Variants in OCA2 observed in about 807,000 individuals in gnomAD.
The protein encoded by OCA2 is OCA2 melanosomal transmembrane protein, also known as P protein.
OCA2 carries 77 observed loss-of-function variants against 100.2 expected under a neutral mutation model. The observed-to-expected ratio is 0.77, with a 90% CI of 0.64 to 0.93. The LOEUF is 0.93. OCA2 is among the 40% of genes least tolerant of loss of function. OCA2 has a pLI of 0.00. For missense variants in OCA2, 1,062 were observed against 1,089.1 expected, an observed-to-expected ratio of 0.98 and a Z score of 0.35; for synonymous variants, 432 against 439.2, an observed-to-expected ratio of 0.98 and a Z score of 0.21.
intron 19 of OCA2, chr15:27,896,427 G>A (rs1183397977): frequency 1.4e-6 from 1 of 701,334 alleles, no homozygotes; most frequent in Admixed American, 1.8e-5. Context: ...AGCTCATGCT[G>A]CTATATGAGA....
At chr15:27,824,602 C>CTCTATATATATATA in intron 23 of OCA2, among the ~76,000 whole-genome samples, 1 of 47,580 alleles carries the variant, frequency 2.1e-5, no homozygotes, top group Non-Finnish European at 3.1e-5. Flanking sequence ...CTCTCTCTCT[C>CTCTATATATATATA]TATATATATA....
chr15:28,064,015 A>G (rs1433100816), intron 2 of OCA2, among the ~76,000 whole-genome samples: 1 of 152,130 alleles, frequency 6.6e-6, no homozygotes, highest in Non-Finnish European at 1.5e-5. Context: ...TTTTGTTGGT[A>G]TGGGAATTTC....
chr15:27,751,431 C>T (rs1206540235), downstream of OCA2, among the ~76,000 whole-genome samples: 4 of 152,124 alleles, frequency 2.6e-5, no homozygotes, highest in South Asian at 8.3e-4. Flanking sequence ...TTAGGAGTGA[C>T]TTAAAATTAC....
At chr15:27,872,691 ATTT>A (rs10572418) in intron 19 of OCA2, among the ~76,000 whole-genome samples, 7 of 142,468 alleles carry the variant, frequency 4.9e-5, no homozygotes, top group African/African-American at 1.3e-4. Flanking sequence ...TAATTTTTTA[ATTT>A]TTTTTTTTTT....
chr15:28,057,904 T>G (rs2043753594), intron 2 of OCA2, among the ~76,000 whole-genome samples: 1 of 152,096 alleles, frequency 6.6e-6, no homozygotes, highest in Non-Finnish European at 1.5e-5. Flanking sequence ...TCAACCAAAC[T>G]AAGCCACCAG....
At position 28,084,522 on chromosome 15, in the gene OCA2, T is replaced by C. The variant is rs531311883; in HGVS notation, c.-21-2627A>G. Among the ~76,000 whole-genome samples the C allele has an allele frequency of 2.6e-5, 4 of 152,310 alleles. No homozygotes were observed. The East Asian group carries it at 5.8e-4, about 22-fold the overall frequency. ...CTGCAAAACAAATCACCACAAAGTGTACCTGTTAAAAAGCACACACGTGTA... is the reference window on the plus strand; with the variant it reads ...CTGCAAAACAAATCACCACAAAGTGCACCTGTTAAAAAGCACACACGTGTA... On this transcript the variant is annotated intron_variant, in intron 1 of 23. Coordinates refer to ENST00000354638, the MANE Select transcript of OCA2 (RefSeq NM_000275.3).
chr15:27,966,794 T>A lies in OCA2; in HGVS notation c.1532A>T (p.His511Leu), dbSNP rs1271022101. The change falls in exon 15 of 24, where the codon CAC (histidine) becomes CTC (leucine). Residue 511 changes from histidine to leucine, a missense_variant. Coordinates refer to ENST00000354638, the MANE Select transcript of OCA2 (RefSeq NM_000275.3). Reference sequence around the variant, plus strand: ...AACAAGGCAAATCCCAATGAACATGTGTGCAGTGAATCCGGCAAAGTCCAG... The same window carrying A: ...AACAAGGCAAATCCCAATGAACATGAGTGCAGTGAATCCGGCAAAGTCCAG... ...MGLDFAGFTA[H>L]MFIGICLVLL... is the part of the protein sequence containing the mutation. The A allele has an allele frequency of 1.2e-6, 2 of 1,612,704 alleles. No homozygotes were observed. Among genetic ancestry groups the A allele is most frequent in the Non-Finnish European group, 1.7e-6 (2 of 1,179,918 alleles).
At chr15:27,883,028 A>G (rs1013016612) in intron 19 of OCA2, among the ~76,000 whole-genome samples, 6 of 152,198 alleles carry the variant, frequency 3.9e-5, no homozygotes, top group African/African-American at 1.4e-4. Context: ...TTGTTCTGAA[A>G]TTAGGCTGAG....
chr15:27,973,362 G>T (rs549561951), intron 14 of OCA2, among the ~76,000 whole-genome samples: 1 of 152,020 alleles, frequency 6.6e-6, no homozygotes, highest in Non-Finnish European at 1.5e-5. Flanking sequence ...ATTGTATATC[G>T]TGAGAGATAG....
intron 21 of OCA2, among the ~76,000 whole-genome samples, chr15:27,868,546 T>C (rs1477006877): frequency 6.6e-6 from 1 of 151,472 alleles, no homozygotes; most frequent in African/African-American, 2.4e-5. Flanking sequence ...AGTAGAATGG[T>C]GGCTGTCGGG....
chr15:27,878,697 T>C (rs2036889021), intron 19 of OCA2, among the ~76,000 whole-genome samples: 1 of 152,170 alleles, frequency 6.6e-6, no homozygotes, highest in Non-Finnish European at 1.5e-5. Flanking sequence ...TTTTCCTTTA[T>C]TTCATCCTGT....
chr15:27,846,889 A>G (rs1343293839), intron 22 of OCA2, among the ~76,000 whole-genome samples: 1 of 152,154 alleles, frequency 6.6e-6, no homozygotes, highest in Non-Finnish European at 1.5e-5. Flanking sequence ...TTTCCTTGGA[A>G]AGGGAGATGC....
intron 2 of OCA2, among the ~76,000 whole-genome samples, chr15:28,073,282 C>T (rs4778235): frequency 2.6e-5 from 4 of 152,132 alleles, no homozygotes; most frequent in East Asian, 1.9e-4. Context: ...GGCGTGGTGG[C>T]GAGCAACTAT....
chr15:27,827,282 A>G (rs531326384), intron 23 of OCA2, among the ~76,000 whole-genome samples: 76 of 152,334 alleles, frequency 5.0e-4, no homozygotes, highest in African/African-American at 1.8e-3. Context: ...CTGGGAAATC[A>G]ACATCTGATT....
intron 23 of OCA2, among the ~76,000 whole-genome samples, chr15:27,843,636 C>T (rs2035424424): frequency 2.0e-5 from 3 of 152,168 alleles, no homozygotes; most frequent in South Asian, 2.1e-4. Flanking sequence ...GCACATTCAG[C>T]GTCCCCTGAG....
chr15:27,800,133 AC>A (rs1406201279), intron 23 of OCA2, among the ~76,000 whole-genome samples: 3 of 152,236 alleles, frequency 2.0e-5, no homozygotes, highest in Non-Finnish European at 2.9e-5. Context: ...CCAAAAGGAA[AC>A]TAGAAATTTT....
chr15:28,063,669 A>C (rs2043942454), intron 2 of OCA2, among the ~76,000 whole-genome samples: 1 of 152,128 alleles, frequency 6.6e-6, no homozygotes, highest in Non-Finnish European at 1.5e-5. Context: ...AGCTCTATAC[A>C]GAACCTTTGC....
intron 19 of OCA2, among the ~76,000 whole-genome samples, chr15:27,883,096 T>C (rs540283317): frequency 6.6e-6 from 1 of 152,200 alleles, no homozygotes; most frequent in African/African-American, 2.4e-5. Context: ...CTTCTGGTTT[T>C]CCCCCACACT....
chr15:28,091,239 A>G (rs116166230), intron 1 of OCA2, among the ~76,000 whole-genome samples: 2,140 of 152,316 alleles, frequency 0.014, 39 homozygotes, highest in African/African-American at 0.048. Context: ...TCACTAGAGA[A>G]TTCTACCAAA....
Sources: allele counts gnomAD v4.1 joint callset (sites outside exome capture counted in the v4.1 genomes callset), GRCh38; gene constraint gnomAD v4.1.1; transcripts MANE v1.5; gene names NCBI Gene and HGNC (gene_info 2026-07-23, HGNC 2026-07-21).